The following DAAM1 variants were observed in gnomAD, a reference collection of about 807,000 sequenced individuals.
DAAM1 encodes dishevelled associated activator of morphogenesis 1.
A neutral mutation model predicts 130.0 loss-of-function variants in DAAM1; 52 were observed. The observed-to-expected ratio is 0.40, with a 90% CI of 0.32 to 0.50. The LOEUF (loss-of-function observed/expected upper bound fraction) is 0.50. Among genes scored for constraint, DAAM1 ranks in the 20% least tolerant of loss-of-function variants. DAAM1 has a pLI of 0.61. For missense variants in DAAM1, 1,134 were observed against 1,303.8 expected (o/e 0.87, Z 2.01); for synonymous variants, 452 against 444.5 (o/e 1.02, Z -0.21).
intron 8 of DAAM1, among the ~76,000 whole-genome samples, chr14:59,325,400 G>C (rs1885168562): frequency 6.6e-6 from 1 of 152,152 alleles, no homozygotes; most frequent in African/African-American, 2.4e-5. Context: ...ATTGTTTTTA[G>C]ATTTAGTTTT....
At chr14:59,236,154 T>C (rs1594772626) in intron 1 of DAAM1, among the ~76,000 whole-genome samples, 2 of 152,226 alleles carry the variant, frequency 1.3e-5, no homozygotes, top group Admixed American at 6.5e-5. Flanking sequence ...GTATGAAGTG[T>C]CATTAATAGT....
chr14:59,251,463 T>C (rs1881640565), intron 1 of DAAM1, among the ~76,000 whole-genome samples: 1 of 151,736 alleles, frequency 6.6e-6, no homozygotes, highest in Non-Finnish European at 1.5e-5. Context: ...TTTAAGTTTG[T>C]TGTATTTTTA....
intron 2 of DAAM1, among the ~76,000 whole-genome samples, chr14:59,290,763 T>C (rs1883708480): frequency 6.6e-6 from 1 of 152,228 alleles, no homozygotes; most frequent in African/African-American, 2.4e-5. Context: ...ACACTCGGCC[T>C]TTGTCTGTTT....
rs1566673560 is a variant in DAAM1, at chr14:59,263,436, T to A, written c.-37-5T>A. 2.5e-6 allele frequency: 4 copies of A among 1,610,284 alleles called. No homozygotes were observed. The South Asian group carries it at 4.4e-5, about 18-fold the overall frequency. On this transcript the variant is annotated splice_region_variant and splice_polypyrimidine_tract_variant and intron_variant, in intron 1 of 24. Coordinates refer to ENST00000360909, the MANE Select transcript of DAAM1 (RefSeq NM_001270520.2). ...TCTTAACCATGTCATATCCTCTTTTTGCAGCGTTTAGTCACATCAAGAAAT... is the reference window on the plus strand; with the variant it reads ...TCTTAACCATGTCATATCCTCTTTTAGCAGCGTTTAGTCACATCAAGAAAT...
At chr14:59,302,637 C>A (rs1884216450) in intron 3 of DAAM1, among the ~76,000 whole-genome samples, 1 of 151,934 alleles carries the variant, frequency 6.6e-6, no homozygotes, top group South Asian at 2.1e-4. Flanking sequence ...TCTTTGGCCC[C>A]CAAGTTATTC....
intron 16 of DAAM1, among the ~76,000 whole-genome samples, chr14:59,343,433 T>G (rs1284732085): frequency 6.6e-6 from 1 of 152,160 alleles, no homozygotes; most frequent in Non-Finnish European, 1.5e-5. Flanking sequence ...ATGTCAGCAT[T>G]TCCTACCTTC....
intron 1 of DAAM1, among the ~76,000 whole-genome samples, chr14:59,226,804 T>C (rs1176510593): frequency 6.6e-6 from 1 of 152,134 alleles, no homozygotes; most frequent in Non-Finnish European, 1.5e-5. Context: ...GCAAATGCAA[T>C]AGGAGGGCCC....
chr14:59,192,895 T>C (rs1015137070), intron 1 of DAAM1, among the ~76,000 whole-genome samples: 9 of 152,124 alleles, frequency 5.9e-5, no homozygotes, highest in Non-Finnish European at 1.0e-4. Context: ...CTACTAAAAA[T>C]ACAAAAAATT....
intron 2 of DAAM1, among the ~76,000 whole-genome samples, chr14:59,275,055 G>A (rs1353788881): frequency 2.0e-5 from 3 of 152,172 alleles, no homozygotes; most frequent in African/African-American, 7.2e-5. Context: ...TCCTCTTGAG[G>A]GTGTGGGAGG....
intron 17 of DAAM1, 112 bp downstream of exon 17, chr14:59,347,735 G>A: frequency 9.5e-7 from 1 of 1,051,204 alleles, no homozygotes; most frequent in Non-Finnish European, 1.4e-6. Context: ...TCTATGAATT[G>A]AGGAGGCTGA....
intron 2 of DAAM1, among the ~76,000 whole-genome samples, chr14:59,269,593 C>T (rs563390160): frequency 2.0e-5 from 3 of 152,280 alleles, no homozygotes; most frequent in South Asian, 4.1e-4. Context: ...TTTCTATTGG[C>T]TTGATTCCTT....
intron 3 of DAAM1, among the ~76,000 whole-genome samples, chr14:59,311,863 A>T (rs1240131603): frequency 1.3e-5 from 2 of 151,760 alleles, no homozygotes; most frequent in African/African-American, 2.4e-5. Flanking sequence ...TAATTGTTTT[A>T]TTTATTTATT....
chr14:59,276,042 C>T (rs2139531560), intron 2 of DAAM1, among the ~76,000 whole-genome samples: 1 of 152,220 alleles, frequency 6.6e-6, no homozygotes, highest in East Asian at 1.9e-4. Context: ...TGGTTGGGAG[C>T]AGGTAATAAT....
chr14:59,315,576 A>G (rs1461215332), intron 4 of DAAM1, among the ~76,000 whole-genome samples: 1 of 152,220 alleles, frequency 6.6e-6, no homozygotes, highest in Non-Finnish European at 1.5e-5. Flanking sequence ...ACACTGCAAT[A>G]TAATTGAGTT....
intron 1 of DAAM1, among the ~76,000 whole-genome samples, chr14:59,213,196 C>A (rs950925670): frequency 6.6e-6 from 1 of 151,766 alleles, no homozygotes; most frequent in African/African-American, 2.4e-5. Flanking sequence ...TATTATGTGC[C>A]GTGGAGTCCC....
intron 21 of DAAM1, among the ~76,000 whole-genome samples, chr14:59,360,117 T>C (rs1886644933): frequency 1.3e-5 from 2 of 152,174 alleles, no homozygotes; most frequent in Admixed American, 6.5e-5. Context: ...CTGGTGGAAA[T>C]ATACTAAATA....
At chr14:59,301,015 C>T (rs965931339) in intron 3 of DAAM1, among the ~76,000 whole-genome samples, 8 of 152,154 alleles carry the variant, frequency 5.3e-5, no homozygotes, top group African/African-American at 1.9e-4. Context: ...CCTTTAATTG[C>T]TCTTCAAAGT....
At chr14:59,215,403 C>CAG (rs895645183) in intron 1 of DAAM1, among the ~76,000 whole-genome samples, 5 of 152,186 alleles carry the variant, frequency 3.3e-5, no homozygotes, top group Admixed American at 6.5e-5. Context: ...TGTTCTTCAC[C>CAG]AGAGTGTAAC....
chr14:59,352,058 T>C (rs1237965225), intron 17 of DAAM1, among the ~76,000 whole-genome samples: 1 of 152,148 alleles, frequency 6.6e-6, no homozygotes, highest in Non-Finnish European at 1.5e-5. Flanking sequence ...AAACTACAAA[T>C]GGAATTATTC....
Sources: gnomAD v4.1 joint callset for allele counts (sites outside exome capture counted in the v4.1 genomes callset) on GRCh38, gnomAD v4.1.1 for gene constraint, MANE v1.5 for transcripts, NCBI Gene and HGNC (gene_info 2026-07-23, HGNC 2026-07-21) for gene names.